Variants in ABTB2 observed in about 807,000 individuals in gnomAD.
The protein encoded by ABTB2 is ankyrin repeat and BTB domain containing 2, also known as ankyrin repeat and BTB/POZ domain-containing protein 2.
ABTB2 carries 56 observed loss-of-function variants against 104.1 expected under a neutral mutation model. That is an observed-to-expected ratio of 0.54 (90% CI 0.43 to 0.67). ABTB2 has a LOEUF of 0.67. Among genes scored for constraint, ABTB2 ranks in the 30% least tolerant of loss-of-function variants. ABTB2 has a pLI of 0.00. For synonymous variants in ABTB2, 606 were observed against 608.2 expected, an observed-to-expected ratio of 1.00 and a Z score of 0.05; for missense variants, 1,279 against 1,407.7, an observed-to-expected ratio of 0.91 and a Z score of 1.46.
At chr11:34,168,037 A>C in intron 5 of ABTB2, 45 bp from the exon 6 acceptor site, 1 of 1,581,600 alleles carries the variant, frequency 6.3e-7, no homozygotes, top group South Asian at 1.1e-5. Context: ...CAAACAGAAC[A>C]CAACACCATG....
At chr11:34,294,578 T>G (rs1854598540) in intron 1 of ABTB2, among the ~76,000 whole-genome samples, 1 of 152,004 alleles carries the variant, frequency 6.6e-6, no homozygotes, top group Non-Finnish European at 1.5e-5. Context: ...TGAAAAGACT[T>G]TTGAAGATGG....
intron 3 of ABTB2, among the ~76,000 whole-genome samples, chr11:34,194,912 G>T (rs1411918643): frequency 6.6e-6 from 1 of 151,800 alleles, no homozygotes; most frequent in Non-Finnish European, 1.5e-5. Flanking sequence ...AAATGGCTAC[G>T]TAAACACATG....
chr11:34,269,884 C>T (rs1307886891), intron 1 of ABTB2, among the ~76,000 whole-genome samples: 1 of 152,206 alleles, frequency 6.6e-6, no homozygotes, highest in Non-Finnish European at 1.5e-5. Flanking sequence ...CATTTTCATA[C>T]AATCACGTGA....
At chr11:34,156,923 ATG>A (rs954717404) in intron 14 of ABTB2, among the ~76,000 whole-genome samples, 21 of 152,122 alleles carry the variant, frequency 1.4e-4, no homozygotes, top group African/African-American at 5.1e-4. Flanking sequence ...TTTATTTTTT[ATG>A]TGACTAGTAG....
At chr11:34,277,985 A>G (rs565518744) in intron 1 of ABTB2, among the ~76,000 whole-genome samples, 55 of 151,222 alleles carry the variant, frequency 3.6e-4, no homozygotes, top group African/African-American at 1.3e-3. Context: ...TTGTATTTTT[A>G]GTAGAGACAG....
At chr11:34,240,597 C>A (rs967420760) in intron 1 of ABTB2, among the ~76,000 whole-genome samples, 15 of 152,218 alleles carry the variant, frequency 9.9e-5, no homozygotes, top group Admixed American at 2.0e-4. Context: ...TCATTCTCCT[C>A]CCCGCCTTTT....
At chr11:34,270,093 CG>C (rs1854295809) in intron 1 of ABTB2, among the ~76,000 whole-genome samples, 1 of 152,190 alleles carries the variant, frequency 6.6e-6, no homozygotes, top group African/African-American at 2.4e-5. Context: ...GCTTCATGCA[CG>C]GATGCACAAC....
At chr11:34,186,406 C>T (rs1209774768) in intron 3 of ABTB2, among the ~76,000 whole-genome samples, 2 of 152,328 alleles carry the variant, frequency 1.3e-5, no homozygotes, top group Admixed American at 6.5e-5. Flanking sequence ...CTCCTGTCCT[C>T]CCCCCATCCT....
chr11:34,352,204 C>T (rs1475616283), intron 1 of ABTB2, among the ~76,000 whole-genome samples: 1 of 152,180 alleles, frequency 6.6e-6, no homozygotes, highest in African/African-American at 2.4e-5. Context: ...CCTTTTCTTT[C>T]TCAGCTCTAA....
intron 3 of ABTB2, among the ~76,000 whole-genome samples, chr11:34,196,657 A>G (rs1460529533): frequency 6.6e-6 from 1 of 152,200 alleles, no homozygotes; most frequent in East Asian, 1.9e-4. Context: ...CAACCTGCAC[A>G]TCTGTTCTTT....
At chr11:34,213,275 C>G (rs148152280) in intron 1 of ABTB2, among the ~76,000 whole-genome samples, 1 of 152,158 alleles carries the variant, frequency 6.6e-6, no homozygotes, top group Non-Finnish European at 1.5e-5. Context: ...GTCAGGAGTT[C>G]GAGACCAGCC....
At chr11:34,259,673 C>T (rs12290980) in intron 1 of ABTB2, among the ~76,000 whole-genome samples, 15,410 of 152,182 alleles carry the variant, frequency 0.1, 1,772 homozygotes, top group African/African-American at 0.29. Flanking sequence ...TGACCGGTTA[C>T]ATTAATCAGA....
intron 1 of ABTB2, among the ~76,000 whole-genome samples, chr11:34,238,754 A>C (rs1853876432): frequency 6.6e-6 from 1 of 151,972 alleles, no homozygotes; most frequent in East Asian, 1.9e-4. Flanking sequence ...ATTAATCATC[A>C]TTCTTTTTTT....
rs563711226 is a variant in ABTB2 at position 34,283,647 on chromosome 11, T to C, written c.883+73054A>G. On this transcript the variant is annotated intron_variant, in intron 1 of 16. Transcript: ENST00000435224. ...ATTTAATCAAAGGCAAATTAGAGCA[T>C]GGGTCAGGACAGAATATTATAACTA... Among the ~76,000 whole-genome samples the C allele has an allele frequency of 8.6e-4, 131 of 152,326 alleles. 2 individuals are homozygous for C. The highest frequency in any genetic ancestry group is 2.3e-3 in the South Asian group (11 of 4,824).
chr11:34,242,758 C>T (rs1853934868), intron 1 of ABTB2, among the ~76,000 whole-genome samples: 1 of 152,132 alleles, frequency 6.6e-6, no homozygotes, highest in Non-Finnish European at 1.5e-5. Context: ...CTCCTGGGCA[C>T]TTATGTGGCA....
intron 1 of ABTB2, among the ~76,000 whole-genome samples, chr11:34,333,195 T>C (rs144456559): frequency 6.9e-4 from 105 of 152,234 alleles, no homozygotes; most frequent in Non-Finnish European, 1.2e-3. Flanking sequence ...GTAAAAGTAA[T>C]TGAAGGTGGC....
At chr11:34,238,062 C>A (rs1313445781) in intron 1 of ABTB2, among the ~76,000 whole-genome samples, 5 of 152,194 alleles carry the variant, frequency 3.3e-5, no homozygotes, top group Non-Finnish European at 7.4e-5. Flanking sequence ...TATATACCCA[C>A]AAAATTAAAT....
At chr11:34,208,473 G>C (rs1037087430) in intron 1 of ABTB2, among the ~76,000 whole-genome samples, 1 of 152,202 alleles carries the variant, frequency 6.6e-6, no homozygotes, top group Admixed American at 6.5e-5. Flanking sequence ...GGAGTGTGGA[G>C]CAGTGAGCAT....
At position 34,356,934 on chromosome 11, in the gene ABTB2, G is replaced by T; in HGVS notation, c.650C>A (p.Thr217Asn). 1 of 1,601,434 alleles carries T rather than the reference G, an allele frequency of 6.2e-7. No individual in the cohort carries two copies. The change falls in exon 1 of 17, where the codon ACC (threonine) becomes AAC (asparagine). Residue 217 changes from threonine (T) to asparagine (N), a missense_variant. By Grantham distance (65) the Thr-to-Asn change is moderately conservative. Transcript: ENST00000435224. The surrounding 1 kb of genome is among the most constrained non-coding windows in gnomAD (Gnocchi z 4.6). The stretch of plus-strand genomic sequence containing the variant: ...CTCGTGGATGCGCACGGAGATTCGG[G>T]TGTCCACCATCCAGCGGAAAAAGCG... Reference protein sequence around the residue: ...VGRFFRWMVDTRISVRIHEYA... With the variant: ...VGRFFRWMVDNRISVRIHEYA...
Sources: allele counts gnomAD v4.1 joint callset (sites outside exome capture counted in the v4.1 genomes callset), GRCh38; gene constraint gnomAD v4.1.1; non-coding constraint Gnocchi (gnomAD v3.1); transcripts MANE v1.5; gene names NCBI Gene and HGNC (gene_info 2026-07-23, HGNC 2026-07-21).